The following USP12 variants were observed in gnomAD, a reference collection of about 807,000 sequenced individuals.
USP12 encodes the protein ubiquitin carboxyl-terminal hydrolase 12.
Under a neutral mutation model 45.5 loss-of-function variants are expected in USP12, and 19 were observed. The observed-to-expected ratio is 0.42, with a 90% confidence interval of 0.29 to 0.61. The LOEUF (loss-of-function observed/expected upper bound fraction) is 0.61. Among genes scored for constraint, USP12 ranks in the 20% least tolerant of loss-of-function variants. USP12 has a pLI of 0.22. For missense variants in USP12, 242 were observed against 447.7 expected (o/e 0.54, Z 4.15); for synonymous variants, 149 against 148.8 (o/e 1.00, Z -0.01).
intron 1 of USP12, among the ~76,000 whole-genome samples, chr13:27,154,124 T>A: frequency 6.6e-6 from 1 of 152,364 alleles, no homozygotes; most frequent in East Asian, 1.9e-4. Context: ...CTGCCCTTTC[T>A]TCCTTAGGAA....
intron 2 of USP12, among the ~76,000 whole-genome samples, chr13:27,109,847 T>TGCA (rs1875336817): frequency 6.9e-6 from 1 of 144,122 alleles, no homozygotes; most frequent in Admixed American, 7.4e-5. Context: ...AGGCTGAGGT[T>TGCA]GCAGTGAGCC....
chr13:27,111,625 AT>A (rs1565993355), intron 2 of USP12, among the ~76,000 whole-genome samples: 1 of 152,282 alleles, frequency 6.6e-6, no homozygotes, highest in South Asian at 2.1e-4. Flanking sequence ...CACCGCAAGT[AT>A]TTTTTATATA....
chr13:27,075,291 C>G lies in USP12; in HGVS notation c.832G>C (p.Val278Leu), dbSNP rs1487089599. The G allele has an allele frequency of 6.2e-7, 1 of 1,613,892 alleles. No individual in the cohort carries two copies. The highest frequency in any genetic ancestry group is 8.5e-7 in the Non-Finnish European group (1 of 1,179,942). The change falls in exon 7 of 9, where the codon GTA becomes CTA. Residue 278 changes from valine to leucine, a missense_variant. Physicochemically the swap from Val to Leu is conservative, Grantham distance 32. This residue lies in a region of USP12 where 94 missense variants were observed against 168.3 expected (regional missense o/e 0.56). Coordinates refer to ENST00000282344, the MANE Select transcript of USP12 (RefSeq NM_182488.4). ...AGACGAAGTTCTAAAGGAAAAACTA[C>G]CCGGTAAGAGAGTTTTGTATATCGA... ...LHRYTKLSYR[V>L]VFPLELRLFN...
chr13:27,074,486 A>C (rs1289901371), intron 7 of USP12, among the ~76,000 whole-genome samples: 5 of 152,176 alleles, frequency 3.3e-5, no homozygotes, highest in African/African-American at 1.2e-4. Flanking sequence ...TGGATAAAAC[A>C]TGCTGTTAGT....
rs9319342 is a variant in USP12 at position 27,110,127 on chromosome 13, T to TTAAAAAAAAAAAAA, written c.130-4184_130-4183insTTTTTTTTTTTTTA. Among the ~76,000 whole-genome samples the TTAAAAAAAAAAAAA allele has an allele frequency of 1.7e-5, 2 of 119,620 alleles. 1 individual carries two copies. Among genetic ancestry groups the TTAAAAAAAAAAAAA allele is most frequent in the African/African-American group, 6.4e-5 (2 of 31,074 alleles). 78.5% of individuals were successfully genotyped at this position (119,620 alleles called of 152,430 possible). ...GATGACTAGGATTTCCTTTTCCAGG[T>TTAAAAAAAAAAAAA]AAAAAAAAAAAAAAAAAAAGGATAA... On this transcript the variant is annotated intron_variant, in intron 2 of 8. Coordinates refer to ENST00000282344, the MANE Select transcript of USP12 (RefSeq NM_182488.4).
chr13:27,140,063 T>A (rs138171080), intron 1 of USP12, among the ~76,000 whole-genome samples: 1 of 152,360 alleles, frequency 6.6e-6, no homozygotes, highest in African/African-American at 2.4e-5. Context: ...AAAATTACAC[T>A]ATGCAACATA....
chr13:27,107,090 C>T (rs1875176983), intron 2 of USP12, among the ~76,000 whole-genome samples: 1 of 152,014 alleles, frequency 6.6e-6, no homozygotes, highest in South Asian at 2.1e-4. Context: ...TTTGGGAGGC[C>T]GAGGCAGGCG....
intron 1 of USP12, among the ~76,000 whole-genome samples, chr13:27,158,012 G>A (rs562965715): frequency 1.8e-4 from 28 of 152,278 alleles, no homozygotes; most frequent in African/African-American, 5.8e-4. Flanking sequence ...ACCTGATTGC[G>A]CCATTAGTTT....
intron 1 of USP12, among the ~76,000 whole-genome samples, chr13:27,161,888 TA>T (rs893548415): frequency 8.9e-6 from 1 of 112,502 alleles, no homozygotes; most frequent in African/African-American, 2.8e-5. Flanking sequence ...TCTCAAAAAA[TA>T]AAAAAAAATA....
chr13:27,066,903 GTT>G lies in USP12; in HGVS notation c.*2378_*2379del, dbSNP rs1015995305. On this transcript the variant is annotated 3_prime_UTR_variant, in exon 9 of 9. Coordinates refer to ENST00000282344, the MANE Select transcript of USP12 (RefSeq NM_182488.4). ...TTTTCCCCCAACCCTGACCCTATAC[GTT>G]TTAAAAGTACATTTAGTTTCTGATA... The G allele has an allele frequency of 4.6e-5, 7 of 152,012 alleles. No homozygotes were observed. Among genetic ancestry groups the G allele is most frequent in the African/African-American group, 1.7e-4 (7 of 41,366 alleles). 9.4% of individuals were successfully genotyped at this position (152,012 alleles called of 1,614,324 possible). A position where few individuals can be genotyped will look rare whatever the true frequency, so the allele number is the denominator to read the frequency against.
chr13:27,130,612 G>A (rs1004662042), intron 1 of USP12, among the ~76,000 whole-genome samples: 1 of 149,798 alleles, frequency 6.7e-6, no homozygotes, highest in Non-Finnish European at 1.5e-5. Flanking sequence ...AAAAGAATTT[G>A]ACAGAAACCA....
Position 27,069,267 on chromosome 13 carries a change from T to A in USP12, c.*16A>T, listed in dbSNP as rs1306002969. 1.3e-6 allele frequency: 2 copies of A among 1,589,430 alleles called. No individual in the cohort carries two copies. The highest frequency in any genetic ancestry group is 2.7e-5 in the African/African-American group (2 of 74,374). ...AAGAAATGAGGCAGAAAGTGTCTCT[T>A]CATCACGGTTCCCTCTCAGTCCCGA... On this transcript the variant is annotated 3_prime_UTR_variant, in exon 9 of 9. Transcript: ENST00000282344.
At chr13:27,111,890 G>A (rs1449983345) in intron 2 of USP12, among the ~76,000 whole-genome samples, 1 of 152,090 alleles carries the variant, frequency 6.6e-6, no homozygotes, top group Non-Finnish European at 1.5e-5. Flanking sequence ...ATTTGGATAT[G>A]TGGTTTTAAT....
chr13:27,121,353 T>G (rs1164044106), intron 1 of USP12, among the ~76,000 whole-genome samples: 3 of 149,440 alleles, frequency 2.0e-5, no homozygotes, highest in African/African-American at 7.4e-5. Flanking sequence ...AAATCCTAAA[T>G]TGAGAGTGCC....
chr13:27,161,836 T>G (rs1878121021), intron 1 of USP12, among the ~76,000 whole-genome samples: 1 of 151,140 alleles, frequency 6.6e-6, no homozygotes, highest in Admixed American at 6.6e-5. Context: ...GAGGCGAGAC[T>G]GCACCACTGC....
At chr13:27,158,529 C>T (rs1877947377) in intron 1 of USP12, among the ~76,000 whole-genome samples, 1 of 152,146 alleles carries the variant, frequency 6.6e-6, no homozygotes, top group East Asian at 1.9e-4. Flanking sequence ...TGGTACAGCC[C>T]ACTACACACT....
chr13:27,093,167 G>A (rs1593180201), intron 4 of USP12, among the ~76,000 whole-genome samples: 1 of 151,118 alleles, frequency 6.6e-6, no homozygotes. Context: ...CCTGGGCAAC[G>A]AGAGCGAAAC....
intron 7 of USP12, among the ~76,000 whole-genome samples, chr13:27,071,945 T>A (rs902848883): frequency 6.6e-6 from 1 of 152,164 alleles, no homozygotes; most frequent in Non-Finnish European, 1.5e-5. Flanking sequence ...GAAGTTAAAA[T>A]CCTTTTCAAC....
chr13:27,117,216 A>G (rs1189077324), intron 1 of USP12, among the ~76,000 whole-genome samples: 4 of 152,244 alleles, frequency 2.6e-5, no homozygotes, highest in Non-Finnish European at 4.4e-5. Flanking sequence ...AATTACATTC[A>G]TAACATGTTC....
Sources: gnomAD v4.1 joint callset for allele counts (sites outside exome capture counted in the v4.1 genomes callset) on GRCh38, gnomAD v4.1.1 for gene constraint, gnomAD v4.1.1 regional missense constraint, MANE v1.5 for transcripts, NCBI Gene and HGNC (gene_info 2026-07-23, HGNC 2026-07-21) for gene names.